The following TLCD4 variants were observed in gnomAD, a reference collection of about 807,000 sequenced individuals.
TLCD4 encodes the protein TLC domain containing 4, also known as TLC domain-containing protein 4.
Under a neutral mutation model 24.2 loss-of-function variants are expected in TLCD4, and 7 were observed. That is an observed-to-expected ratio of 0.29 (90% CI 0.16 to 0.54). The LOEUF is 0.54. Ranked by LOEUF, TLCD4 falls within the 20% of genes least tolerant of loss-of-function variation. TLCD4 has a pLI of 0.95. For missense variants in TLCD4, 259 were observed against 313.9 expected (o/e 0.82, Z 1.32); for synonymous variants, 103 against 106.4 (o/e 0.97, Z 0.20).
the TLCD4 span, among the ~76,000 whole-genome samples, chr1:95,109,872 T>G: frequency 6.8e-6 from 1 of 146,950 alleles, no homozygotes; most frequent in Non-Finnish European, 1.5e-5. Flanking sequence ...GTAAGAGTAT[T>G]GTTTATCTGT....
In TLCD4 at chr1:95,161,477, G is replaced by C. The variant is rs979688022; in HGVS notation, c.399+10058G>C. Among the ~76,000 whole-genome samples the C allele has an allele frequency of 2.2e-4, 34 of 152,134 alleles. 1 individual carries two copies. Among genetic ancestry groups the C allele is most frequent in the Middle Eastern group, 6.8e-3 (2 of 294 alleles). On this transcript the variant is annotated intron_variant, in intron 5 of 6. Coordinates refer to ENST00000370203, the MANE Select transcript of TLCD4 (RefSeq NM_152487.3). ...CAGCTCTTGGATTCATTGATTTTTTGAAGGGTTTTTGTGTCTCTATCTCCT... is the reference window on the plus strand; with the variant it reads ...CAGCTCTTGGATTCATTGATTTTTTCAAGGGTTTTTGTGTCTCTATCTCCT...
chr1:95,134,214 C>T (rs1198666739), intron 1 of TLCD4, among the ~76,000 whole-genome samples: 1 of 152,000 alleles, frequency 6.6e-6, no homozygotes. Context: ...GAGATGCGAG[C>T]CAACAAATGG....
chr1:95,127,915 A>T (rs530185365), intron 1 of TLCD4, among the ~76,000 whole-genome samples: 2 of 152,198 alleles, frequency 1.3e-5, no homozygotes, highest in Non-Finnish European at 2.9e-5. Flanking sequence ...CCAAAATCCA[A>T]TGGCTGTAAT....
At position 95,197,136 on chromosome 1, in the gene TLCD4, C is replaced by T. The variant is rs1236905637; in HGVS notation, c.*5268C>T. 1.3e-5 allele frequency: 2 copies of T among 151,794 alleles called. No homozygotes were observed. Among genetic ancestry groups the T allele is most frequent in the East Asian group, 1.9e-4 (1 of 5,192 alleles). 9.4% of individuals were successfully genotyped at this position (151,794 alleles called of 1,614,324 possible). A position where few individuals can be genotyped will look rare whatever the true frequency, so the allele number is the denominator to read the frequency against. On this transcript the variant is annotated 3_prime_UTR_variant, in exon 7 of 7. Transcript: ENST00000370203. ...AAGTCTTTCAAAATATACTTAATAC[C>T]ATTTTGAGAACATACCTTCTAATTT...
At chr1:95,170,850 ACTT>A (rs1278277256) in intron 5 of TLCD4, among the ~76,000 whole-genome samples, 9 of 152,166 alleles carry the variant, frequency 5.9e-5, no homozygotes, top group Admixed American at 2.6e-4. Flanking sequence ...TGTTATTTTA[ACTT>A]CTTCTTAAAT....
chr1:95,103,855 A>T, the TLCD4 span, among the ~76,000 whole-genome samples: 554 of 152,354 alleles, frequency 3.6e-3, 2 homozygotes, highest in African/African-American at 0.012. Flanking sequence ...AAACGAATTA[A>T]TAATTTGGAT....
chr1:95,183,834 C>G (rs1043960161), intron 6 of TLCD4, among the ~76,000 whole-genome samples: 8 of 150,624 alleles, frequency 5.3e-5, no homozygotes, highest in Non-Finnish European at 1.2e-4. Context: ...AAGACTGTCT[C>G]AAAAAACAAC....
rs182016429 is a variant in TLCD4, at chr1:95,167,750, A to T, written c.400-6066A>T. On this transcript the variant is annotated intron_variant, in intron 5 of 6. Transcript: ENST00000370203. ...GAGTTAAAAGAACCTGCTCTCCATT[A>T]TCTCAAGTAGCAGAGCATATGCTAA... Among the ~76,000 whole-genome samples the T allele has an allele frequency of 4.6e-5, 7 of 152,280 alleles. No homozygotes were observed. In the East Asian group the frequency reaches 9.7e-4, roughly 21 times the overall value.
At chr1:95,109,033 A>G in the TLCD4 span, among the ~76,000 whole-genome samples, 1 of 152,216 alleles carries the variant, frequency 6.6e-6, no homozygotes, top group South Asian at 2.1e-4. Context: ...ATTGTAATAC[A>G]TTTAAAAATT....
At chr1:95,133,586 A>T (rs1339639251) in intron 1 of TLCD4, among the ~76,000 whole-genome samples, 1 of 152,146 alleles carries the variant, frequency 6.6e-6, no homozygotes, top group African/African-American at 2.4e-5. Context: ...ACGTTTTCAT[A>T]TGTTGGCTTC....
chr1:95,168,080 T>G (rs924175582), intron 5 of TLCD4, among the ~76,000 whole-genome samples: 1 of 152,222 alleles, frequency 6.6e-6, no homozygotes, highest in Non-Finnish European at 1.5e-5. Context: ...CTCTCTCGTT[T>G]TATGTTTTAT....
rs1180466033 is a variant in TLCD4 at position 95,143,829 on chromosome 1, T to TA, written c.-11-55dup. The TA allele has an allele frequency of 3.4e-5, 44 of 1,299,028 alleles. No homozygotes were observed. The African/African-American group carries it at 3.6e-4, about 11-fold the overall frequency. The allele number at this position is 1,299,028 out of a possible 1,614,324, so 80.5% of individuals were successfully genotyped here. On this transcript the variant is annotated intron_variant, in intron 1 of 6. Coordinates refer to ENST00000370203, the MANE Select transcript of TLCD4 (RefSeq NM_152487.3). ...AAATTACAAGACATATTTCTTAAAA[T>TA]AAAAAAATTACTCTAGGTTTATTAT... is the stretch of plus-strand genomic sequence containing the variant.
intron 1 of TLCD4, chr1:95,138,500 T>C (rs1403685866): frequency 2.0e-5 from 3 of 152,168 alleles, no homozygotes; most frequent in Admixed American, 1.3e-4. Flanking sequence ...ATTTTATCAT[T>C]GTGTGAACAT....
intron 5 of TLCD4, among the ~76,000 whole-genome samples, chr1:95,156,494 T>C (rs1677638379): frequency 6.6e-6 from 1 of 152,124 alleles, no homozygotes; most frequent in Admixed American, 6.5e-5. Flanking sequence ...GGTTGTAGGA[T>C]CTTTGGCCAG....
At chr1:95,120,789 T>C (rs1676547299) in intron 1 of TLCD4, among the ~76,000 whole-genome samples, 1 of 152,220 alleles carries the variant, frequency 6.6e-6, no homozygotes, top group African/African-American at 2.4e-5. Context: ...CAAGTATATG[T>C]GTATGTGAAA....
At chr1:95,189,820 TAA>T (rs1422260163) in intron 6 of TLCD4, among the ~76,000 whole-genome samples, 1 of 152,240 alleles carries the variant, frequency 6.6e-6, no homozygotes, top group Non-Finnish European at 1.5e-5. Context: ...AAAGCTGGTG[TAA>T]ACACGTATGC....
At chr1:95,104,663 C>CAAAAAAATAAAAAAAAAAAA in the TLCD4 span, among the ~76,000 whole-genome samples, 1 of 40,620 alleles carries the variant, frequency 2.5e-5, no homozygotes, top group Non-Finnish European at 5.4e-5. Flanking sequence ...GACTCCGTCT[C>CAAAAAAATAAAAAAAAAAAA]AAAAAAAAAA....
chr1:95,174,337 C>G lies in TLCD4; in HGVS notation c.473+448C>G, dbSNP rs113822619. Among the ~76,000 whole-genome samples the G allele has an allele frequency of 2.9e-4, 44 of 152,018 alleles. 3 individuals are homozygous for G. The highest frequency in any genetic ancestry group is 1.1e-3 in the African/African-American group (44 of 41,456). On this transcript the variant is annotated intron_variant, in intron 6 of 6. Transcript: ENST00000370203. ...TCTTATATTGACATTATCTTAGTGC[C>G]TCATTGAAATACATAATCTTTTTAT... is the stretch of plus-strand genomic sequence containing the variant.
At chr1:95,189,534 CTT>C (rs1298323110) in intron 6 of TLCD4, among the ~76,000 whole-genome samples, 4 of 152,130 alleles carry the variant, frequency 2.6e-5, no homozygotes, top group Non-Finnish European at 5.9e-5. Flanking sequence ...TAAAATATCC[CTT>C]GTTTTACCTA....
Sources: gnomAD v4.1 joint callset for allele counts (sites outside exome capture counted in the v4.1 genomes callset) on GRCh38, gnomAD v4.1.1 for gene constraint, MANE v1.5 for transcripts, NCBI Gene and HGNC (gene_info 2026-07-23, HGNC 2026-07-21) for gene names.